The following MKS1 variants were observed in gnomAD, a reference collection of about 807,000 sequenced individuals.
MKS1 encodes the protein tectonic-like complex member MKS1.
In MKS1, 70 loss-of-function variants were observed where a neutral mutation model predicts 83.7. The ratio of observed to expected loss-of-function variants is 0.84; its 90% CI spans 0.69 to 1.02. The LOEUF (loss-of-function observed/expected upper bound fraction) is 1.02. Among genes scored for constraint, MKS1 ranks in the 50% least tolerant of loss-of-function variants. MKS1 has a pLI of 0.00. For synonymous variants in MKS1, 251 were observed against 273.4 expected (o/e 0.92, Z 0.81); for missense variants, 681 against 726.9 (o/e 0.94, Z 0.73).
chr17:58,216,008 C>T, intron 4 of MKS1, 80 bp downstream of exon 4: 3 of 1,526,318 alleles, frequency 2.0e-6, no homozygotes, highest in Non-Finnish European at 2.7e-6. Context: ...TAGGCTCTGA[C>T]ATAACACACA....
intron 2 of MKS1, among the ~76,000 whole-genome samples, chr17:58,217,671 AGT>A (rs1969298564): frequency 2.6e-5 from 4 of 152,146 alleles, no homozygotes; most frequent in African/African-American, 7.2e-5. Context: ...AAATAAACTG[AGT>A]GTGAGTCTGT....
intron 4 of MKS1, 25 bp from the exon 5 acceptor site, chr17:58,214,863 T>C (rs1567804098): frequency 6.3e-7 from 1 of 1,588,020 alleles, no homozygotes; most frequent in Admixed American, 1.7e-5. Context: ...CAGCCCTGTG[T>C]ACGCCATCTG....
rs1447599377 is a variant in MKS1 at position 58,205,608 on chromosome 17, A to T, written c.*471T>A. On this transcript the variant is annotated 3_prime_UTR_variant, in exon 18 of 18. Transcript: ENST00000393119. ...TCAGCAAGCCCCAAGCAGTAGAATG[A>T]GGCTTCCCTGGAAAGAGGCTGAGAC... 1.5e-6 allele frequency: 2 copies of T among 1,306,132 alleles called. No homozygotes were observed. The highest frequency in any genetic ancestry group is 4.6e-5 in the Admixed American group (2 of 43,594). The allele number at this position is 1,306,132 out of a possible 1,614,324, so 80.9% of individuals were successfully genotyped here.
chr17:58,213,757 C>T lies in MKS1; in HGVS notation c.749+8G>A. 1 of 1,605,818 alleles carries T rather than the reference C, an allele frequency of 6.2e-7. No individual in the cohort carries two copies. The highest frequency in any genetic ancestry group is 8.5e-7 in the Non-Finnish European group (1 of 1,172,438). ...CAGTCTCCACTACCCCTTTCTTCCT[C>T]TCCTCACCTGTAGGGTCCTTTGAGG... On this transcript the variant is annotated splice_region_variant and intron_variant, in intron 7 of 17. Transcript: ENST00000393119.
intron 6 of MKS1, 103 bp from the exon 7 acceptor site, chr17:58,213,972 AG>A: frequency 9.2e-7 from 1 of 1,090,012 alleles, no homozygotes; most frequent in Non-Finnish European, 1.4e-6. Context: ...CTATAGGGAG[AG>A]CTGTCATGGT....
intron 11 of MKS1, among the ~76,000 whole-genome samples, chr17:58,208,890 G>A (rs949123508): frequency 2.0e-5 from 3 of 152,048 alleles, no homozygotes; most frequent in Admixed American, 2.0e-4. Context: ...CTGCCTTCAA[G>A]CACCTGTTTA....
chr17:58,211,185 T>C, intron 9 of MKS1, 163 bp from the exon 10 acceptor site: 1 of 658,248 alleles, frequency 1.5e-6, no homozygotes, highest in Non-Finnish European at 2.7e-6. Flanking sequence ...ACAGATCTGT[T>C]TCCTTCATTC....
intron 11 of MKS1, 83 bp from the exon 12 acceptor site, chr17:58,208,666 CTTT>C (rs536733808): frequency 1.2e-5 from 12 of 1,029,098 alleles, no homozygotes; most frequent in Admixed American, 4.8e-5. Context: ...TTTTTCTTTT[CTTT>C]TTTTTTTTTG....
At chr17:58,214,174 C>T (rs916683903) in intron 6 of MKS1, 85 bp downstream of exon 6, 25 of 1,595,766 alleles carry the variant, frequency 1.6e-5, no homozygotes, top group Non-Finnish European at 2.1e-5. Context: ...CCCCTATAAC[C>T]TAGGATGATA....
At position 58,209,088 on chromosome 17, in the gene MKS1, C is replaced by G. The variant is rs1192874896; in HGVS notation, c.1025-505G>C. Among the ~76,000 whole-genome samples, 3 of 152,116 alleles carry G rather than the reference C, an allele frequency of 2.0e-5. No individual in the cohort carries two copies. The highest frequency in any genetic ancestry group is 4.4e-5 in the Non-Finnish European group (3 of 68,028). On this transcript the variant is annotated intron_variant, in intron 11 of 17. Coordinates refer to ENST00000393119, the MANE Select transcript of MKS1 (RefSeq NM_017777.4). The surrounding 1 kb of genome is among the most constrained non-coding windows in gnomAD (Gnocchi z 4.1). ...CTTTCTACACAGACACAGTAACAAT[C>G]TGATCTCTCTTTCTTTTCCCCACAT... is the stretch of plus-strand genomic sequence containing the variant.
At chr17:58,215,680 A>T (rs1361959102) in intron 4 of MKS1, 2 of 246,878 alleles carry the variant, frequency 8.1e-6, no homozygotes, top group Non-Finnish European at 1.6e-5. Flanking sequence ...TTCCATAGCT[A>T]TACTGAATTC....
chr17:58,214,382 C>T lies in MKS1; in HGVS notation c.521G>A (p.Gly174Asp), dbSNP rs2143805491. The stretch of plus-strand genomic sequence containing the variant: ...GACGATGCGTGACTTGAGGATGCCG[C>T]CCTCCCTGGGAGACACCACAGAAAG... ...RRRQDRRGME[G>D]GILKSRIVTW... The change falls in exon 6 of 18, where the codon GGC becomes GAC. Residue 174 changes from glycine (G) to aspartate (D), a missense_variant. Gly to Asp is a moderately conservative substitution (Grantham distance 94). This residue lies in a region of MKS1 where 365 missense variants were observed against 383.8 expected (regional missense o/e 0.95). Transcript: ENST00000393119. The T allele has an allele frequency of 6.2e-7, 1 of 1,613,044 alleles. No individual in the cohort carries two copies. The highest frequency in any genetic ancestry group is 8.5e-7 in the Non-Finnish European group (1 of 1,180,034).
rs140677541 is a variant in MKS1, at chr17:58,214,317, C to T, written c.586G>A (p.Val196Ile). 2.2e-5 allele frequency: 36 copies of T among 1,614,042 alleles called. No individual in the cohort carries two copies. Among genetic ancestry groups the T allele is most frequent in the Middle Eastern group, 1.7e-4 (1 of 6,014 alleles). The change falls in exon 6 of 18, where the codon GTC becomes ATC. Residue 196 changes from valine to isoleucine, a missense_variant. By Grantham distance (29) the Val-to-Ile change is conservative. Around this residue, in one of 3 missense-constraint regions of MKS1, gnomAD observed 365 missense variants for 383.8 expected, o/e 0.95. Coordinates refer to ENST00000393119, the MANE Select transcript of MKS1 (RefSeq NM_017777.4). ...ATTGTCTGAAGAGGGGTGTTAATGA[C>T]GTGGTTGTTCCTGACAAACTCTTCT... ...PSEEFVRNNH[V>I]INTPLQTMHI... is the part of the protein sequence containing the mutation.
intron 14 of MKS1, 74 bp downstream of exon 14, chr17:58,207,820 A>C (rs1968611568): frequency 7.4e-7 from 1 of 1,346,504 alleles, no homozygotes; most frequent in African/African-American, 1.4e-5. Flanking sequence ...CCCTCACCAG[A>C]AGCATTCGAG....
chr17:58,214,786 T>G lies in MKS1; in HGVS notation c.470A>C (p.Glu157Ala). 1.9e-6 allele frequency: 3 copies of G among 1,607,162 alleles called. No individual in the cohort carries two copies. The highest frequency in any genetic ancestry group is 2.5e-6 in the Non-Finnish European group (3 of 1,179,814). The change falls in exon 5 of 18, where the codon GAG becomes GCG. Residue 157 changes from glutamate to alanine, a missense_variant. Glu to Ala is a moderately radical substitution (Grantham distance 107). Coordinates refer to ENST00000393119, the MANE Select transcript of MKS1 (RefSeq NM_017777.4). Reference protein sequence around the residue: ...AASEVPSFLVERMANVRRRRQ... With the variant: ...AASEVPSFLVARMANVRRRRQ... ...GCGACGCCTGACATTTGCCATTCGC[T>G]CGACCAAGAATGAAGGCACCTCGCT...
rs769312467 is a variant in MKS1 at position 58,208,147 on chromosome 17, A to T, written c.1123T>A (p.Phe375Ile). The change falls in exon 13 of 18, where the codon TTC becomes ATC. Residue 375 changes from phenylalanine (F) to isoleucine (I), a missense_variant. This residue lies in a region of MKS1 where 310 missense variants were observed against 321.7 expected (regional missense o/e 0.96). Coordinates refer to ENST00000393119, the MANE Select transcript of MKS1 (RefSeq NM_017777.4). ...TGGAGGAAGAAGGCTTCAAACGTGA[A>T]TGGGTAGGAGAAGTGAGCCACCTTG... ...MDKVAHFSYP[F>I]TFEAFFLHED... The T allele has an allele frequency of 6.2e-7, 1 of 1,613,766 alleles. No homozygotes were observed. Among genetic ancestry groups the T allele is most frequent in the Admixed American group, 1.7e-5 (1 of 60,002 alleles).
chr17:58,207,557 G>A (rs894208749), intron 14 of MKS1: 5 of 538,944 alleles, frequency 9.3e-6, no homozygotes, highest in African/African-American at 7.6e-5. Flanking sequence ...CACAATGCCT[G>A]GCACACAGTA....
intron 14 of MKS1, 156 bp downstream of exon 14, chr17:58,207,738 G>C: frequency 8.0e-6 from 6 of 746,186 alleles, no homozygotes; most frequent in Non-Finnish European, 1.2e-5. Context: ...CGCTAATGGA[G>C]GGGGGCAGAA....
At chr17:58,207,690 A>G in intron 14 of MKS1, 1 of 649,522 alleles carries the variant, frequency 1.5e-6, no homozygotes, top group Non-Finnish European at 2.8e-6. Flanking sequence ...GCACATGGAG[A>G]GACTGTCAGG....
Sources: allele counts gnomAD v4.1 joint callset (sites outside exome capture counted in the v4.1 genomes callset), GRCh38; gene constraint gnomAD v4.1.1; regional missense constraint gnomAD v4.1.1; non-coding constraint Gnocchi (gnomAD v3.1); transcripts MANE v1.5; gene names NCBI Gene and HGNC (gene_info 2026-07-23, HGNC 2026-07-21).